Variants in ATP2B2 observed in about 807,000 individuals in gnomAD.
The protein encoded by ATP2B2 is plasma membrane calcium-transporting ATPase 2.
In ATP2B2, 15 loss-of-function variants were observed where a neutral mutation model predicts 120.0. That is an observed-to-expected ratio of 0.12 (90% CI 0.08 to 0.19). ATP2B2 has a LOEUF of 0.19. Among genes scored for constraint, ATP2B2 ranks in the 10% least tolerant of loss-of-function variants. The pLI is 1.00. For synonymous variants in ATP2B2, 694 were observed against 700.3 expected (o/e 0.99, Z 0.14); for missense variants, 1,045 against 1,719.8 (o/e 0.61, Z 6.94).
At chr3:10,630,381 C>T (rs141306801) in intron 1 of ATP2B2, among the ~76,000 whole-genome samples, 1,572 of 152,222 alleles carry the variant, frequency 0.01, 28 homozygotes, top group African/African-American at 0.036. Context: ...GTGTTCTCAT[C>T]ATTTGGCTCC....
At chr3:10,456,826 G>A (rs192945333) in intron 1 of ATP2B2, among the ~76,000 whole-genome samples, 1 of 152,168 alleles carries the variant, frequency 6.6e-6, no homozygotes, top group Non-Finnish European at 1.5e-5. Context: ...TTCCTCTCCT[G>A]GTTGCAAATT....
At chr3:10,376,721 A>G (rs1226411341) in intron 10 of ATP2B2, among the ~76,000 whole-genome samples, 1 of 152,212 alleles carries the variant, frequency 6.6e-6, no homozygotes, top group Non-Finnish European at 1.5e-5. Context: ...CTGATGGCCA[A>G]CATCCAGTGG....
chr3:10,516,872 G>C (rs2066886167), intron 3 of ATP2B2, among the ~76,000 whole-genome samples: 1 of 152,176 alleles, frequency 6.6e-6, no homozygotes, highest in African/African-American at 2.4e-5. Context: ...TGAAGTGACA[G>C]CTTAAATGGG....
At chr3:10,488,234 T>TCCATCCATTC (rs1559402222) in intron 1 of ATP2B2, among the ~76,000 whole-genome samples, 4 of 107,412 alleles carry the variant, frequency 3.7e-5, no homozygotes, top group Non-Finnish European at 7.5e-5. Flanking sequence ...CTCATCCACC[T>TCCATCCATTC]ATCCATCCAT....
rs906656454 is a variant in ATP2B2 at position 10,449,847 on chromosome 3, T to C, written c.-304A>G. The stretch of plus-strand genomic sequence containing the variant: ...CTCCCTGGAACTGGCATCTACATGG[T>C]CAGGGGTGGTGGCTCCTGTGGGACA... On this transcript the variant is annotated 5_prime_UTR_variant, in exon 2 of 23. Transcript: ENST00000360273. 4.4e-6 allele frequency: 2 copies of C among 454,406 alleles called. No homozygotes were observed. Among genetic ancestry groups the C allele is most frequent in the Non-Finnish European group, 8.2e-6 (2 of 244,620 alleles). The allele number at this position is 454,406 out of a possible 1,614,324, so 28.1% of individuals were successfully genotyped here.
intron 2 of ATP2B2, among the ~76,000 whole-genome samples, chr3:10,411,689 C>T (rs746932217): frequency 6.6e-6 from 1 of 152,188 alleles, no homozygotes; most frequent in Non-Finnish European, 1.5e-5. Context: ...CTACCAAGTG[C>T]CTGGCACTGT....
intron 1 of ATP2B2, among the ~76,000 whole-genome samples, chr3:10,488,108 T>G (rs976258017): frequency 2.0e-5 from 3 of 151,572 alleles, no homozygotes; most frequent in African/African-American, 7.3e-5. Flanking sequence ...CAGCCATCCA[T>G]CCATCCATCC....
chr3:10,446,097 T>C (rs891746928), intron 2 of ATP2B2, among the ~76,000 whole-genome samples: 1 of 152,286 alleles, frequency 6.6e-6, no homozygotes, highest in African/African-American at 2.4e-5. Context: ...GGCAGTGACC[T>C]CGAGCCCTCA....
chr3:10,350,882 C>T (rs576875549), intron 14 of ATP2B2, among the ~76,000 whole-genome samples: 11 of 152,338 alleles, frequency 7.2e-5, no homozygotes, highest in Admixed American at 5.9e-4. Context: ...TTGGCTGTCT[C>T]GACCTGGGCG....
intron 1 of ATP2B2, among the ~76,000 whole-genome samples, chr3:10,621,696 T>A (rs1054943473): frequency 2.6e-5 from 4 of 152,214 alleles, no homozygotes; most frequent in African/African-American, 4.8e-5. Flanking sequence ...GGGGTTCCTT[T>A]GAGCAGGCAC....
chr3:10,692,593 T>C (rs1447385633), intron 1 of ATP2B2, among the ~76,000 whole-genome samples: 1 of 152,198 alleles, frequency 6.6e-6, no homozygotes, highest in Non-Finnish European at 1.5e-5. Context: ...GGATGGTTTA[T>C]GATCCTCTGA....
rs1385039435 is a variant in ATP2B2, at chr3:10,372,004, C to T, written c.1464G>A (p.Glu488=). 6.2e-7 allele frequency: 1 copy of T among 1,614,194 alleles called. No individual in the cohort carries two copies. Among genetic ancestry groups the T allele is most frequent in the East Asian group, 2.2e-5 (1 of 44,888 alleles). The change falls in exon 12 of 23, where the codon GAG becomes GAA. Residue 488 remains glutamate (E), a synonymous_variant. Coordinates refer to ENST00000360273, the MANE Select transcript of ATP2B2 (RefSeq NM_001001331.4). ...NNLVRHLDAC[E]TMGNATAICS... ...AGATGGCTGTGGCATTGCCCATGGT[C>T]TCACAGGCATCCAGGTGGCGTACCA...
At chr3:10,423,685 G>T (rs942083468) in intron 2 of ATP2B2, among the ~76,000 whole-genome samples, 3 of 152,168 alleles carry the variant, frequency 2.0e-5, no homozygotes, top group Admixed American at 1.3e-4. Context: ...TGTCCCTCCA[G>T]GTGGGGACGC....
chr3:10,328,787 C>T lies in ATP2B2; in HGVS notation c.*27G>A, dbSNP rs761815697. 52 of 1,578,626 alleles carry T rather than the reference C, an allele frequency of 3.3e-5. No homozygotes were observed. The highest frequency in any genetic ancestry group is 3.7e-5 in the Non-Finnish European group (43 of 1,158,670). The stretch of plus-strand genomic sequence containing the variant: ...CGGGTGGCAGCGGGGTCCATGAGGG[C>T]GGGCGGGCAGGCGAGAGGGTCCTCA... On this transcript the variant is annotated 3_prime_UTR_variant, in exon 23 of 23. Coordinates refer to ENST00000360273, the MANE Select transcript of ATP2B2 (RefSeq NM_001001331.4).
chr3:10,662,863 C>A (rs2070824022), intron 1 of ATP2B2, among the ~76,000 whole-genome samples: 1 of 151,918 alleles, frequency 6.6e-6, no homozygotes, highest in South Asian at 2.1e-4. Flanking sequence ...CAATGATAGA[C>A]TGGATTAAGA....
At chr3:10,578,012 A>C (rs1483070286) in intron 2 of ATP2B2, among the ~76,000 whole-genome samples, 2 of 152,178 alleles carry the variant, frequency 1.3e-5, no homozygotes, top group Non-Finnish European at 2.9e-5. Context: ...CCCAGAGTCC[A>C]AGTCTCTACT....
At chr3:10,433,715 A>G (rs1403131813) in intron 2 of ATP2B2, among the ~76,000 whole-genome samples, 1 of 152,138 alleles carries the variant, frequency 6.6e-6, no homozygotes, top group African/African-American at 2.4e-5. Flanking sequence ...CCCCACTGTT[A>G]CCCACCTTCA....
intron 1 of ATP2B2, among the ~76,000 whole-genome samples, chr3:10,683,910 C>T (rs1248871719): frequency 6.6e-6 from 1 of 150,838 alleles, no homozygotes; most frequent in Admixed American, 6.6e-5. Flanking sequence ...AACCTTCCTG[C>T]CTCAGCCTCC....
chr3:10,470,967 G>A (rs11925293), intron 1 of ATP2B2, among the ~76,000 whole-genome samples: 3 of 152,214 alleles, frequency 2.0e-5, no homozygotes, highest in African/African-American at 7.2e-5. Flanking sequence ...CCTTGCCTCA[G>A]AGCGATGGCT....
Sources: allele counts gnomAD v4.1 joint callset (sites outside exome capture counted in the v4.1 genomes callset), GRCh38; gene constraint gnomAD v4.1.1; transcripts MANE v1.5; gene names NCBI Gene and HGNC (gene_info 2026-07-23, HGNC 2026-07-21).